The following TMCO6 variants were observed in gnomAD, a reference collection of about 807,000 sequenced individuals.
TMCO6 encodes transmembrane and coiled-coil domains 6.
TMCO6 carries 47 observed loss-of-function variants against 61.8 expected under a neutral mutation model. That is an observed-to-expected ratio of 0.76 (90% CI 0.60 to 0.97). The LOEUF is 0.97. Ranked by LOEUF, TMCO6 falls within the 50% of genes least tolerant of loss-of-function variation. The probability of loss-of-function intolerance (pLI) is 0.00; values close to 1 mark genes in which losing one functional copy is unlikely to be tolerated. For missense variants in TMCO6, 557 were observed against 601.6 expected (o/e 0.93, Z 0.78); for synonymous variants, 261 against 254.2 (o/e 1.03, Z -0.25).
At chr5:140,632,719 G>A in the TMCO6 span, 147 of 1,613,686 alleles carry the variant, frequency 9.1e-5, 1 homozygote, top group Non-Finnish European at 1.2e-4. This position sits in a 1 kb window ranked among gnomAD's most constrained non-coding sequence, Gnocchi z 6.2. Context: ...CGCACGCGGA[G>A]AGCCTTGACC....
chr5:140,647,401 G>A (rs900714849), downstream of TMCO6: 2 of 1,611,028 alleles, frequency 1.2e-6, no homozygotes, highest in Non-Finnish European at 1.7e-6. Context: ...GCTGTGGGCG[G>A]GGGCTTCCCT....
At chr5:140,639,929 A>G in intron 2 of TMCO6, 78 bp downstream of exon 2, 1 of 1,254,696 alleles carries the variant, frequency 8.0e-7, no homozygotes, top group Non-Finnish European at 1.1e-6. Context: ...GGTCTGCCCC[A>G]AACCTGAACG....
At chr5:140,643,189 C>T in intron 7 of TMCO6, 148 bp downstream of exon 7, 3 of 1,178,722 alleles carry the variant, frequency 2.5e-6, no homozygotes, top group Non-Finnish European at 3.5e-6. Flanking sequence ...GACCCACAGA[C>T]CTTAGCTGTT....
the TMCO6 span, among the ~76,000 whole-genome samples, chr5:140,626,260 C>G: frequency 6.6e-6 from 1 of 151,612 alleles, no homozygotes; most frequent in African/African-American, 2.4e-5. Flanking sequence ...GAGTCTTGCT[C>G]TATCACCCAG....
chr5:140,632,888 G>A, the TMCO6 span: 3 of 1,614,206 alleles, frequency 1.9e-6, no homozygotes, highest in Non-Finnish European at 2.5e-6. The surrounding 1 kb of genome is among the most constrained non-coding windows in gnomAD (Gnocchi z 6.2). Flanking sequence ...AGACGCAGCG[G>A]AAATCTTCAT....
At chr5:140,631,853 A>C in the TMCO6 span, 1 of 1,546,458 alleles carries the variant, frequency 6.5e-7, no homozygotes, top group Non-Finnish European at 8.7e-7. Flanking sequence ...TCTGTCTTGG[A>C]TCTTAGGCAA....
At chr5:140,605,799 T>G in the TMCO6 span, among the ~76,000 whole-genome samples, 1 of 152,086 alleles carries the variant, frequency 6.6e-6, no homozygotes. Context: ...AGATTGGCAT[T>G]AAGTCTTTTT....
chr5:140,625,517 G>C, the TMCO6 span, among the ~76,000 whole-genome samples: 1 of 152,152 alleles, frequency 6.6e-6, no homozygotes, highest in Non-Finnish European at 1.5e-5. Context: ...CCTCATGTGA[G>C]GTCTATTCTA....
the TMCO6 span, among the ~76,000 whole-genome samples, chr5:140,604,970 A>G: frequency 2.6e-5 from 4 of 152,162 alleles, no homozygotes; most frequent in Non-Finnish European, 5.9e-5. Context: ...ATGCATAAAC[A>G]TTGAAGGGAT....
upstream of TMCO6, among the ~76,000 whole-genome samples, chr5:140,636,477 A>T (rs1756773315): frequency 1.4e-5 from 2 of 147,736 alleles, no homozygotes; most frequent in Non-Finnish European, 3.0e-5. Flanking sequence ...TCAAAAAAAA[A>T]AATAAATAAA....
upstream of TMCO6, among the ~76,000 whole-genome samples, chr5:140,635,791 A>G (rs1467172198): frequency 6.6e-6 from 1 of 152,130 alleles, no homozygotes; most frequent in Non-Finnish European, 1.5e-5. Flanking sequence ...GGGGAGGAAC[A>G]TGGTCTGGAG....
upstream of TMCO6, among the ~76,000 whole-genome samples, chr5:140,634,495 T>TC (rs1419388352): frequency 2.0e-5 from 3 of 148,834 alleles, no homozygotes; most frequent in Non-Finnish European, 3.0e-5. Flanking sequence ...TTTTTTTTTT[T>TC]TTTTTTTTGA....
At chr5:140,632,260 C>G in the TMCO6 span, 3 of 1,613,680 alleles carry the variant, frequency 1.9e-6, no homozygotes, top group Non-Finnish European at 1.7e-6. The surrounding 1 kb of genome is among the most constrained non-coding windows in gnomAD (Gnocchi z 6.2). Context: ...GCCAGTGCGG[C>G]GCACACGCCT....
chr5:140,600,397 T>C, the TMCO6 span, among the ~76,000 whole-genome samples: 1 of 152,240 alleles, frequency 6.6e-6, no homozygotes, highest in African/African-American at 2.4e-5. Context: ...ACAATCAGTG[T>C]GACTTGGGCC....
chr5:140,632,696 C>T, the TMCO6 span: 1 of 1,613,766 alleles, frequency 6.2e-7, no homozygotes. This position sits in a 1 kb window ranked among gnomAD's most constrained non-coding sequence, Gnocchi z 6.2. Context: ...GTGCGGCTCC[C>T]ACTGTGAGCC....
At chr5:140,623,759 A>G in the TMCO6 span, among the ~76,000 whole-genome samples, 7 of 152,222 alleles carry the variant, frequency 4.6e-5, no homozygotes, top group Admixed American at 1.3e-4. Flanking sequence ...ATTTTAAAAA[A>G]ATAGAGATGG....
chr5:140,619,545 T>G, the TMCO6 span, among the ~76,000 whole-genome samples: 1 of 151,184 alleles, frequency 6.6e-6, no homozygotes, highest in Non-Finnish European at 1.5e-5. Context: ...ACTTGGGGGG[T>G]ATGCCTGCAG....
At chr5:140,604,655 C>T in the TMCO6 span, among the ~76,000 whole-genome samples, 2 of 151,918 alleles carry the variant, frequency 1.3e-5, no homozygotes, top group Non-Finnish European at 2.9e-5. Context: ...AATCAGAGGT[C>T]ATGAAGATTA....
At chr5:140,597,424 T>A in the TMCO6 span, among the ~76,000 whole-genome samples, 3,279 of 152,240 alleles carry the variant, frequency 0.022, 114 homozygotes, top group African/African-American at 0.076. Flanking sequence ...CAGGCTTCCA[T>A]TCAATCTTGT....
Sources: gnomAD v4.1 joint callset for allele counts (sites outside exome capture counted in the v4.1 genomes callset) on GRCh38, gnomAD v4.1.1 for gene constraint, Gnocchi (gnomAD v3.1) non-coding constraint, MANE v1.5 for transcripts, NCBI Gene and HGNC (gene_info 2026-07-23, HGNC 2026-07-21) for gene names.